The following NRXN1 variants were observed in gnomAD, a reference collection of about 807,000 sequenced individuals.
NRXN1 encodes neurexin 1.
Under a neutral mutation model 150.9 loss-of-function variants are expected in NRXN1, and 39 were observed. The ratio of observed to expected loss-of-function variants is 0.26; its 90% CI spans 0.20 to 0.34. The LOEUF (loss-of-function observed/expected upper bound fraction) is 0.34, where lower values mean the gene tolerates loss of function less well. Among genes scored for constraint, NRXN1 ranks in the 10% least tolerant of loss-of-function variants. The probability of loss-of-function intolerance (pLI) is 1.00; values close to 1 mark genes in which losing one functional copy is unlikely to be tolerated. For missense variants in NRXN1, 1,815 were observed against 1,949.9 expected, an observed-to-expected ratio of 0.93 and a Z score of 1.30; for synonymous variants, 924 against 757.0, an observed-to-expected ratio of 1.22 and a Z score of -3.62.
intron 15 of NRXN1, among the ~76,000 whole-genome samples, chr2:50,493,054 T>C (rs1573232939): frequency 1.3e-5 from 2 of 152,332 alleles, no homozygotes; most frequent in East Asian, 1.9e-4. Context: ...TGACCTTCTT[T>C]TGAGAAGCAC....
chr2:50,681,616 G>A (rs898397123), intron 5 of NRXN1, among the ~76,000 whole-genome samples: 2 of 152,092 alleles, frequency 1.3e-5, no homozygotes, highest in African/African-American at 4.8e-5. Flanking sequence ...TTAATCTGAA[G>A]TAATATTCTA....
chr2:50,374,969 G>A (rs2080374707), intron 17 of NRXN1, among the ~76,000 whole-genome samples: 1 of 152,132 alleles, frequency 6.6e-6, no homozygotes, highest in African/African-American at 2.4e-5. Context: ...CTGGGATCAA[G>A]TTACTAAATG....
intron 2 of NRXN1, among the ~76,000 whole-genome samples, chr2:51,023,316 C>T (rs919256939): frequency 4.6e-5 from 7 of 152,124 alleles, no homozygotes; most frequent in Non-Finnish European, 1.0e-4. Context: ...ACAGTAAAGA[C>T]AAAAATACTT....
chr2:50,622,607 T>A (rs569655956), intron 6 of NRXN1, among the ~76,000 whole-genome samples: 1 of 152,280 alleles, frequency 6.6e-6, no homozygotes, highest in African/African-American at 2.4e-5. Flanking sequence ...ACATACAGTA[T>A]ATGTAGACCC....
intron 17 of NRXN1, among the ~76,000 whole-genome samples, chr2:50,254,205 G>C (rs1448748271): frequency 6.6e-6 from 1 of 151,816 alleles, no homozygotes; most frequent in Admixed American, 6.6e-5. Context: ...TTTGCATAGA[G>C]GTGTTTATAG....
chr2:50,454,988 A>C (rs1324061406), intron 17 of NRXN1, among the ~76,000 whole-genome samples: 1 of 152,162 alleles, frequency 6.6e-6, no homozygotes, highest in Non-Finnish European at 1.5e-5. Context: ...GAGGGAAGGA[A>C]GAGGACAGCC....
chr2:50,497,825 G>C (rs2091727460), intron 13 of NRXN1, 111 bp from the exon 14 acceptor site: 2 of 952,070 alleles, frequency 2.1e-6, no homozygotes, highest in Non-Finnish European at 3.1e-6. Context: ...ATCCCTCCTT[G>C]GTACTCAGTT....
chr2:50,793,383 C>A (rs1011260715), intron 5 of NRXN1, among the ~76,000 whole-genome samples: 2 of 152,082 alleles, frequency 1.3e-5, no homozygotes, highest in African/African-American at 4.8e-5. Flanking sequence ...TGAGTTAAAA[C>A]TACTTACTCT....
intron 5 of NRXN1, among the ~76,000 whole-genome samples, chr2:50,806,601 C>CTCT (rs972088832): frequency 6.6e-6 from 1 of 151,998 alleles, no homozygotes; most frequent in African/African-American, 2.4e-5. Context: ...AGTAATTTCC[C>CTCT]TTAGAGATAT....
chr2:50,306,019 T>A (rs888235789), intron 17 of NRXN1, among the ~76,000 whole-genome samples: 2 of 152,208 alleles, frequency 1.3e-5, no homozygotes, highest in Non-Finnish European at 2.9e-5. Context: ...TGAAAAGCAC[T>A]GACAACCTAG....
chr2:50,887,307 A>G (rs1192056916), intron 5 of NRXN1, among the ~76,000 whole-genome samples: 2 of 151,516 alleles, frequency 1.3e-5, no homozygotes, highest in East Asian at 3.9e-4. Context: ...CTCTACATAA[A>G]AACTAAGCAG....
At chr2:50,207,124 A>T (rs1345074093) in intron 18 of NRXN1, among the ~76,000 whole-genome samples, 1 of 152,144 alleles carries the variant, frequency 6.6e-6, no homozygotes, top group Non-Finnish European at 1.5e-5. Flanking sequence ...CCGATGGGGT[A>T]TAAACAAGAT....
chr2:50,587,682 T>G (rs189464011), intron 8 of NRXN1, among the ~76,000 whole-genome samples: 1 of 152,298 alleles, frequency 6.6e-6, no homozygotes, highest in South Asian at 2.1e-4. Context: ...ATATGAATAA[T>G]ATTTAGGATG....
intron 2 of NRXN1, among the ~76,000 whole-genome samples, chr2:50,989,909 A>G (rs1698292922): frequency 6.6e-6 from 1 of 152,072 alleles, no homozygotes; most frequent in Admixed American, 6.6e-5. Flanking sequence ...TCCCAAAACA[A>G]CTTTATCATT....
intron 18 of NRXN1, among the ~76,000 whole-genome samples, chr2:50,156,025 A>C (rs1020942289): frequency 4.8e-4 from 73 of 151,842 alleles, no homozygotes; most frequent in African/African-American, 1.6e-3. Flanking sequence ...AGAATTATAT[A>C]TATATCAATA....
chr2:50,559,050 C>T (rs1213919184), intron 8 of NRXN1, among the ~76,000 whole-genome samples: 1 of 152,052 alleles, frequency 6.6e-6, no homozygotes, highest in Non-Finnish European at 1.5e-5. Flanking sequence ...CCACTGCACT[C>T]CAGCCTGGGT....
chr2:50,234,050 T>A (rs1333565981), intron 18 of NRXN1, among the ~76,000 whole-genome samples: 2 of 152,068 alleles, frequency 1.3e-5, no homozygotes, highest in Admixed American at 1.3e-4. Context: ...CTTCTTGGCT[T>A]CCTGTCTGGT....
intron 19 of NRXN1, among the ~76,000 whole-genome samples, chr2:50,069,985 G>C (rs145316475): frequency 1.2e-4 from 18 of 151,824 alleles, no homozygotes; most frequent in African/African-American, 4.3e-4. Context: ...CGAGTAGCTG[G>C]AACTACAGGC....
intron 18 of NRXN1, among the ~76,000 whole-genome samples, chr2:50,185,158 T>C (rs2060983855): frequency 6.6e-6 from 1 of 152,126 alleles, no homozygotes; most frequent in South Asian, 2.1e-4. Flanking sequence ...GGAGATGCTT[T>C]GTTCAGAAAT....
Sources: gnomAD v4.1 joint callset for allele counts (sites outside exome capture counted in the v4.1 genomes callset) on GRCh38, gnomAD v4.1.1 for gene constraint, MANE v1.5 for transcripts, NCBI Gene and HGNC (gene_info 2026-07-23, HGNC 2026-07-21) for gene names.